Variants in MYCBP2 observed in about 807,000 individuals in gnomAD.
MYCBP2 encodes the protein MYC binding protein 2, also known as E3 ubiquitin-protein ligase MYCBP2.
In MYCBP2, 120 loss-of-function variants were observed where a neutral mutation model predicts 525.3. The observed-to-expected ratio is 0.23, with a 90% CI of 0.20 to 0.27. The LOEUF (loss-of-function observed/expected upper bound fraction) is 0.27. MYCBP2 is among the 10% of genes least tolerant of loss of function. MYCBP2 has a pLI of 1.00. For synonymous variants in MYCBP2, 1,894 were observed against 1,955.8 expected, an observed-to-expected ratio of 0.97 and a Z score of 0.83; for missense variants, 4,149 against 5,657.1, an observed-to-expected ratio of 0.73 and a Z score of 8.55.
At chr13:77,105,307 A>T (rs2047683486) in intron 55 of MYCBP2, among the ~76,000 whole-genome samples, 1 of 152,118 alleles carries the variant, frequency 6.6e-6, no homozygotes, top group Non-Finnish European at 1.5e-5. Context: ...TCCTGGAAAA[A>T]AGTTTGAAGG....
chr13:77,127,147 T>C (rs1255107503), intron 52 of MYCBP2, among the ~76,000 whole-genome samples: 2 of 152,036 alleles, frequency 1.3e-5, no homozygotes, highest in African/African-American at 4.8e-5. Context: ...TCTCTAATAT[T>C]GTACAAATAA....
At chr13:77,277,295 A>G (rs2075734681) in intron 4 of MYCBP2, among the ~76,000 whole-genome samples, 1 of 152,238 alleles carries the variant, frequency 6.6e-6, no homozygotes, top group African/African-American at 2.4e-5. Context: ...TGTCAAGCCA[A>G]GCAGCACTTC....
At chr13:77,263,402 T>C (rs2073623642) in intron 10 of MYCBP2, among the ~76,000 whole-genome samples, 1 of 152,004 alleles carries the variant, frequency 6.6e-6, no homozygotes, top group South Asian at 2.1e-4. Context: ...TTTTGCTCTA[T>C]TCAAAGCAAA....
At chr13:77,203,669 A>C (rs1257218406) in intron 26 of MYCBP2, among the ~76,000 whole-genome samples, 2 of 152,226 alleles carry the variant, frequency 1.3e-5, no homozygotes, top group South Asian at 2.1e-4. Context: ...CAGTAACCAA[A>C]ACAGCATGGT....
chr13:77,243,846 A>C lies in MYCBP2; in HGVS notation c.2487T>G (p.Leu829=). Residue 829 remains leucine, a synonymous_variant, in exon 16 of 83, where the codon CTT becomes CTG. Coordinates refer to ENST00000544440, the MANE Select transcript of MYCBP2 (RefSeq NM_015057.5). ...DGQEARQRGI[L]DAVKEMIPLD... Reference sequence around the variant, plus strand: ...AAGGTATCATTTCTTTCACTGCATCAAGAATTCCTCTTTGTCTTGCCTCTT... The same window carrying C: ...AAGGTATCATTTCTTTCACTGCATCCAGAATTCCTCTTTGTCTTGCCTCTT... 2 of 1,613,894 alleles carry C rather than the reference A, an allele frequency of 1.2e-6. No individual in the cohort carries two copies. Among genetic ancestry groups the C allele is most frequent in the Non-Finnish European group, 1.7e-6 (2 of 1,179,934 alleles).
rs763592334 is a variant in MYCBP2 at position 77,177,824 on chromosome 13, C to T, written c.5264G>A (p.Gly1755Glu). ...GACAGAGAAACCAACCACAACTATT[C>T]CAGGTTTGTCTACTGAAAAACAGAT... ...DAICFSVDKP[G>E]IVVVGFSVYG... The change falls in exon 35 of 83, where the codon GGA becomes GAA. Residue 1755 changes from glycine (G) to glutamate (E), a missense_variant. Transcript: ENST00000544440. The T allele has an allele frequency of 6.2e-7, 1 of 1,614,042 alleles. No individual in the cohort carries two copies. The highest frequency in any genetic ancestry group is 2.2e-5 in the East Asian group (1 of 44,870).
chr13:77,294,131 C>CATATATATATATATATATATACATAT lies in MYCBP2; in HGVS notation c.378+2467_378+2468insATATGTATATATATATATATATATAT. Among the ~76,000 whole-genome samples, 4 of 65,692 alleles carry CATATATATATATATATATATACATAT rather than the reference C, an allele frequency of 6.1e-5. 1 individual carries two copies. The highest frequency in any genetic ancestry group is 2.0e-4 in the Admixed American group (1 of 4,910). The allele number at this position is 65,692 out of a possible 152,430, so 43.1% of individuals were successfully genotyped here. On this transcript the variant is annotated intron_variant, in intron 2 of 82. Transcript: ENST00000544440. ...ATATATATATATATATATATATATA[C>CATATATATATATATATATATACATAT]ATATATATATACATATATATAAAAT...
At chr13:77,291,602 T>C (rs1310825073) in intron 2 of MYCBP2, among the ~76,000 whole-genome samples, 1 of 152,140 alleles carries the variant, frequency 6.6e-6, no homozygotes, top group Admixed American at 6.5e-5. Context: ...ACCCCGTCTC[T>C]ACTAAAAATA....
chr13:77,126,627 A>T lies in MYCBP2; in HGVS notation c.7660-85T>A, dbSNP rs886231436. Reference sequence around the variant, plus strand: ...CCTTCCTATTAATAGCTTTTATAGCAAGTCTACAGTACTGTCAATATAAAA... The same window carrying T: ...CCTTCCTATTAATAGCTTTTATAGCTAGTCTACAGTACTGTCAATATAAAA... On this transcript the variant is annotated intron_variant, in intron 52 of 82. Coordinates refer to ENST00000544440, the MANE Select transcript of MYCBP2 (RefSeq NM_015057.5). 1.8e-5 allele frequency: 17 copies of T among 952,556 alleles called. No homozygotes were observed. In the African/African-American group the frequency reaches 2.1e-4, roughly 12 times the overall value. 59.0% of individuals were successfully genotyped at this position (952,556 alleles called of 1,614,324 possible).
chr13:77,217,847 C>T lies in MYCBP2; in HGVS notation c.3050G>A (p.Ser1017Asn). Residue 1017 changes from serine (S) to asparagine (N), a missense_variant, in exon 21 of 83, where the codon AGT becomes AAT. Physicochemically the swap from Ser to Asn is conservative, Grantham distance 46. Around this residue, in one of 21 missense-constraint regions of MYCBP2, gnomAD observed 620 missense variants for 795.5 expected, o/e 0.78. Transcript: ENST00000544440. The stretch of plus-strand genomic sequence containing the variant: ...GTTTTAAAAATTCCTTACAGAAAAA[C>T]TTCCAAATGTGAAGACCTGTCCATC... Reference protein sequence around the residue: ...LMDGQVFTFGSFSKGQLGRPI... With the variant: ...LMDGQVFTFGNFSKGQLGRPI... The T allele has an allele frequency of 6.3e-7, 1 of 1,594,474 alleles. No homozygotes were observed. The highest frequency in any genetic ancestry group is 8.5e-7 in the Non-Finnish European group (1 of 1,171,352).
chr13:77,325,862 T>A (rs954121368), intron 1 of MYCBP2, among the ~76,000 whole-genome samples: 2 of 152,150 alleles, frequency 1.3e-5, no homozygotes, highest in Non-Finnish European at 2.9e-5. Flanking sequence ...CACACAGATC[T>A]CCATCTGCGT....
At chr13:77,210,594 C>T (rs1314613267) in intron 23 of MYCBP2, among the ~76,000 whole-genome samples, 7 of 152,124 alleles carry the variant, frequency 4.6e-5, no homozygotes, top group African/African-American at 1.4e-4. Flanking sequence ...GCATATAATC[C>T]TGTATATTTC....
intron 39 of MYCBP2, 108 bp downstream of exon 39, chr13:77,169,506 T>A (rs1239542752): frequency 2.5e-6 from 2 of 784,686 alleles, no homozygotes; most frequent in African/African-American, 1.8e-5. Context: ...GTTACCTATA[T>A]CCCAGATGCC....
At chr13:77,288,435 T>C in intron 2 of MYCBP2, 59 bp from the exon 3 acceptor site, 1 of 1,416,290 alleles carries the variant, frequency 7.1e-7, no homozygotes, top group Non-Finnish European at 9.8e-7. Flanking sequence ...AAGTCCCATT[T>C]TACATAAAAG....
intron 44 of MYCBP2, among the ~76,000 whole-genome samples, chr13:77,158,782 C>T (rs1340760985): frequency 6.6e-6 from 1 of 152,156 alleles, no homozygotes; most frequent in African/African-American, 2.4e-5. Context: ...AGGCAGCTAT[C>T]ATGAGTAAGG....
intron 21 of MYCBP2, among the ~76,000 whole-genome samples, chr13:77,216,326 G>GA (rs564482004): frequency 4.7e-4 from 71 of 152,238 alleles, no homozygotes; most frequent in Non-Finnish European, 1.0e-3. Context: ...TACTGGAGTT[G>GA]AAAAAAATCA....
chr13:77,206,113 A>C (rs1368693797), intron 24 of MYCBP2, among the ~76,000 whole-genome samples: 1 of 152,126 alleles, frequency 6.6e-6, no homozygotes. Flanking sequence ...GATCATTTTT[A>C]AAAGCAACAA....
intron 47 of MYCBP2, among the ~76,000 whole-genome samples, chr13:77,147,306 A>G (rs1047935349): frequency 7.2e-5 from 11 of 152,092 alleles, no homozygotes; most frequent in Admixed American, 5.9e-4. Flanking sequence ...GCAGGCTTCA[A>G]TTGTACCTGT....
At chr13:77,188,073 CAAAAA>C (rs745537934) in intron 30 of MYCBP2, among the ~76,000 whole-genome samples, 1 of 53,218 alleles carries the variant, frequency 1.9e-5, no homozygotes, top group Non-Finnish European at 3.9e-5. Flanking sequence ...TCTGCCTCAC[CAAAAA>C]AAAAAAAAAA....
Sources: gnomAD v4.1 joint callset for allele counts (sites outside exome capture counted in the v4.1 genomes callset) on GRCh38, gnomAD v4.1.1 for gene constraint, gnomAD v4.1.1 regional missense constraint, MANE v1.5 for transcripts, NCBI Gene and HGNC (gene_info 2026-07-23, HGNC 2026-07-21) for gene names.